Variants in VEPH1 observed in about 807,000 individuals in gnomAD.
The protein encoded by VEPH1 is ventricular zone-expressed PH domain-containing protein homolog 1.
In VEPH1, 80 loss-of-function variants were observed where a neutral mutation model predicts 85.2. The observed-to-expected ratio is 0.94, with a 90% confidence interval of 0.78 to 1.13. VEPH1 has a LOEUF of 1.13. VEPH1 is among the 50% of genes most tolerant of loss of function. The pLI is 0.00. For missense variants in VEPH1, 955 were observed against 980.5 expected (o/e 0.97, Z 0.35); for synonymous variants, 297 against 348.0 (o/e 0.85, Z 1.63).
chr3:157,477,897 A>G (rs1027225768), intron 2 of VEPH1, among the ~76,000 whole-genome samples: 1 of 152,176 alleles, frequency 6.6e-6, no homozygotes, highest in Non-Finnish European at 1.5e-5. Flanking sequence ...TTCTTATTAT[A>G]AATTTCCTTA....
At chr3:157,431,086 G>A (rs2109135487) in intron 4 of VEPH1, among the ~76,000 whole-genome samples, 1 of 152,254 alleles carries the variant, frequency 6.6e-6, no homozygotes, top group South Asian at 2.1e-4. Context: ...TGGATCATAA[G>A]GGTAGTTTTA....
intron 12 of VEPH1, chr3:157,286,255 T>C (rs1385704008): frequency 6.8e-6 from 2 of 294,686 alleles, no homozygotes; most frequent in Admixed American, 9.2e-5. Flanking sequence ...AACACTTTTT[T>C]TCTCTCTAAC....
In VEPH1 at chr3:157,428,332, T is replaced by G; in HGVS notation, c.686A>C (p.Lys229Thr). The G allele has an allele frequency of 6.2e-7, 1 of 1,613,526 alleles. No individual in the cohort carries two copies. Among genetic ancestry groups the G allele is most frequent in the Non-Finnish European group, 8.5e-7 (1 of 1,179,750 alleles). The change falls in exon 5 of 14, where the codon AAA becomes ACA. Residue 229 changes from lysine to threonine, a missense_variant. By Grantham distance (78) the Lys-to-Thr change is moderately conservative. Transcript: ENST00000362010. ...LRLLHVAAKK[K>T]QLEVVQKCIP... ...CAATGTACTTTTTACCTCGAGTTGT[T>G]TTTTCTTTGCTGCTACATGCAAAAG...
chr3:157,468,585 T>C (rs1234130302), intron 3 of VEPH1, among the ~76,000 whole-genome samples: 2 of 151,712 alleles, frequency 1.3e-5, no homozygotes, highest in African/African-American at 4.8e-5. Flanking sequence ...AAAATAATAA[T>C]AATAATAATG....
rs138818541 is a variant in VEPH1, at chr3:157,442,912, G to A, written c.530-14424C>T. On this transcript the variant is annotated intron_variant, in intron 4 of 13. Coordinates refer to ENST00000362010, the MANE Select transcript of VEPH1 (RefSeq NM_001167912.2). Reference sequence around the variant, plus strand: ...GGAGGAGCAGAGTCTTGTCACATCCGGGGGAATATTGTTGGGTGGGGAGTC... The same window carrying A: ...GGAGGAGCAGAGTCTTGTCACATCCAGGGGAATATTGTTGGGTGGGGAGTC... The A allele has an allele frequency of 7.9e-4, 1,277 of 1,614,070 alleles. 9 individuals carry two copies. The African/African-American group carries it at 0.013, about 16-fold the overall frequency.
intron 11 of VEPH1, among the ~76,000 whole-genome samples, chr3:157,298,924 G>C (rs1297568058): frequency 1.3e-5 from 2 of 152,060 alleles, no homozygotes; most frequent in African/African-American, 2.4e-5. Context: ...GCTGATAGTG[G>C]CACTGACTGT....
chr3:157,338,726 C>T (rs1723210260), intron 9 of VEPH1, among the ~76,000 whole-genome samples: 1 of 152,106 alleles, frequency 6.6e-6, no homozygotes, highest in Non-Finnish European at 1.5e-5. Context: ...AGGGCTGTCA[C>T]CCTAACTATA....
intron 3 of VEPH1, among the ~76,000 whole-genome samples, chr3:157,464,468 T>C (rs946592302): frequency 6.6e-6 from 1 of 152,238 alleles, no homozygotes; most frequent in African/African-American, 2.4e-5. Context: ...CCAGAGCCTA[T>C]GAAAGACCTT....
intron 9 of VEPH1, among the ~76,000 whole-genome samples, chr3:157,353,340 T>G (rs1472864569): frequency 6.6e-6 from 1 of 152,100 alleles, no homozygotes; most frequent in Non-Finnish European, 1.5e-5. Flanking sequence ...TGGCGCAATC[T>G]TGGCTCAACC....
At chr3:157,304,803 A>G (rs1005846783) in intron 11 of VEPH1, among the ~76,000 whole-genome samples, 1 of 152,182 alleles carries the variant, frequency 6.6e-6, no homozygotes, top group Admixed American at 6.5e-5. Context: ...CCCATCAACT[A>G]GAGCTATATC....
intron 9 of VEPH1, among the ~76,000 whole-genome samples, chr3:157,357,629 A>G (rs933364105): frequency 6.6e-6 from 1 of 151,886 alleles, no homozygotes; most frequent in African/African-American, 2.4e-5. Flanking sequence ...AGTAGCTGGG[A>G]CTGCAGGCGC....
At chr3:157,347,680 A>G (rs936481159) in intron 9 of VEPH1, among the ~76,000 whole-genome samples, 97 of 152,328 alleles carry the variant, frequency 6.4e-4, no homozygotes, top group African/African-American at 2.1e-3. Flanking sequence ...TCTTCCTTTT[A>G]TGGATTGGAT....
intron 10 of VEPH1, among the ~76,000 whole-genome samples, chr3:157,314,286 T>C (rs1228637719): frequency 8.3e-6 from 1 of 120,972 alleles, no homozygotes; most frequent in Non-Finnish European, 1.6e-5. Context: ...TGAGCCGAGA[T>C]CATGCCACTG....
At chr3:157,453,453 G>A (rs959942409) in intron 4 of VEPH1, among the ~76,000 whole-genome samples, 1 of 152,018 alleles carries the variant, frequency 6.6e-6, no homozygotes, top group African/African-American at 2.4e-5. Flanking sequence ...GGTATAAATG[G>A]CTTAATACAG....
At chr3:157,465,856 T>G (rs770961171) in intron 3 of VEPH1, among the ~76,000 whole-genome samples, 8 of 152,194 alleles carry the variant, frequency 5.3e-5, no homozygotes, top group Non-Finnish European at 1.0e-4. Flanking sequence ...GGCAGCCTGC[T>G]TTGGTTATTT....
chr3:157,437,583 G>A (rs748387423), intron 4 of VEPH1: 3 of 1,590,308 alleles, frequency 1.9e-6, no homozygotes, highest in East Asian at 2.3e-5. Flanking sequence ...AGAACTCGCA[G>A]ATGAGAGAGC....
intron 2 of VEPH1, among the ~76,000 whole-genome samples, chr3:157,492,131 T>G (rs961802598): frequency 6.6e-6 from 1 of 152,122 alleles, no homozygotes; most frequent in African/African-American, 2.4e-5. Context: ...AACCAAGACA[T>G]TATCTTTTGA....
intron 7 of VEPH1, among the ~76,000 whole-genome samples, chr3:157,367,803 G>A (rs1377958309): frequency 2.6e-5 from 4 of 152,196 alleles, no homozygotes; most frequent in African/African-American, 9.6e-5. Flanking sequence ...GTGCCGCTGT[G>A]CCTGACTATA....
At chr3:157,414,532 A>G (rs1731751520) in intron 5 of VEPH1, among the ~76,000 whole-genome samples, 1 of 152,170 alleles carries the variant, frequency 6.6e-6, no homozygotes, top group Admixed American at 6.5e-5. Context: ...TTAATAAATA[A>G]AAATAAGAAA....
Sources: gnomAD v4.1 joint callset for allele counts (sites outside exome capture counted in the v4.1 genomes callset) on GRCh38, gnomAD v4.1.1 for gene constraint, MANE v1.5 for transcripts, NCBI Gene and HGNC (gene_info 2026-07-23, HGNC 2026-07-21) for gene names.